ALDH1A2: variants seen among roughly 807,000 people sequenced by gnomAD.
ALDH1A2 encodes retinal dehydrogenase 2.
Under a neutral mutation model 60.3 loss-of-function variants are expected in ALDH1A2, and 27 were observed. The ratio of observed to expected loss-of-function variants is 0.45; its 90% confidence interval spans 0.33 to 0.62. The LOEUF (loss-of-function observed/expected upper bound fraction) is 0.62. Ranked by LOEUF, ALDH1A2 falls within the 20% of genes least tolerant of loss-of-function variation. ALDH1A2 has a pLI of 0.02. For missense variants in ALDH1A2, 581 were observed against 643.8 expected, an observed-to-expected ratio of 0.90 and a Z score of 1.06; for synonymous variants, 289 against 232.4, an observed-to-expected ratio of 1.24 and a Z score of -2.21.
At chr15:58,010,522 C>T (rs1895598087) in intron 4 of ALDH1A2, 127 bp downstream of exon 4, 5 of 1,287,170 alleles carry the variant, frequency 3.9e-6, no homozygotes. Flanking sequence ...TGGTTCTTCA[C>T]TCAGTTCTAA....
At chr15:57,979,612 T>A (rs1894410141) in intron 7 of ALDH1A2, 1 of 159,558 alleles carries the variant, frequency 6.3e-6, no homozygotes, top group Non-Finnish European at 1.4e-5. Flanking sequence ...AGACCCTCGG[T>A]TGATTGGCAG....
chr15:58,045,107 G>A (rs1382960191), intron 1 of ALDH1A2, among the ~76,000 whole-genome samples: 2 of 151,896 alleles, frequency 1.3e-5, no homozygotes, highest in Non-Finnish European at 2.9e-5. Flanking sequence ...GAGACTTCTC[G>A]AAAGAAGACA....
intron 7 of ALDH1A2, among the ~76,000 whole-genome samples, chr15:57,972,388 A>C (rs1894099652): frequency 6.6e-6 from 1 of 152,210 alleles, no homozygotes; most frequent in African/African-American, 2.4e-5. Context: ...TCCTTTTGTT[A>C]CATAAGACTC....
intron 4 of ALDH1A2, among the ~76,000 whole-genome samples, chr15:58,010,217 C>A (rs1895586082): frequency 6.6e-6 from 1 of 152,126 alleles, no homozygotes; most frequent in Non-Finnish European, 1.5e-5. Flanking sequence ...TCTCACCACT[C>A]AGAGACAACT....
chr15:57,996,784 C>A (rs528924687), intron 4 of ALDH1A2, among the ~76,000 whole-genome samples: 2 of 152,118 alleles, frequency 1.3e-5, no homozygotes, highest in African/African-American at 4.8e-5. Context: ...ATTTCAACAA[C>A]ACGCTATTTT....
At chr15:57,989,880 GC>G (rs1275910693) in intron 7 of ALDH1A2, among the ~76,000 whole-genome samples, 1 of 151,876 alleles carries the variant, frequency 6.6e-6, no homozygotes, top group Non-Finnish European at 1.5e-5. Flanking sequence ...AATATTAAGG[GC>G]CGTTTGTATA....
chr15:58,043,683 T>C (rs1352259340), intron 1 of ALDH1A2, among the ~76,000 whole-genome samples: 2 of 152,024 alleles, frequency 1.3e-5, no homozygotes, highest in Non-Finnish European at 2.9e-5. Context: ...TTTTTAAACC[T>C]ATGCCAAGTC....
chr15:57,977,916 T>C (rs1894322693), intron 7 of ALDH1A2, among the ~76,000 whole-genome samples: 1 of 152,170 alleles, frequency 6.6e-6, no homozygotes, highest in South Asian at 2.1e-4. Flanking sequence ...CCTTCCAATC[T>C]CTTCTAAGTT....
chr15:57,984,490 A>G (rs1894631068), intron 7 of ALDH1A2, among the ~76,000 whole-genome samples: 1 of 152,148 alleles, frequency 6.6e-6, no homozygotes, highest in African/African-American at 2.4e-5. Context: ...GGACATAAAT[A>G]CCCCAAAAAG....
At chr15:58,023,992 C>G (rs370535153) in intron 1 of ALDH1A2, among the ~76,000 whole-genome samples, 19 of 152,260 alleles carry the variant, frequency 1.2e-4, no homozygotes, top group African/African-American at 3.9e-4. Flanking sequence ...ACTGGGAAGG[C>G]TGAGGCAGGA....
chr15:57,984,752 C>T (rs8026952), intron 7 of ALDH1A2, among the ~76,000 whole-genome samples: 3 of 151,890 alleles, frequency 2.0e-5, no homozygotes, highest in Non-Finnish European at 4.4e-5. Flanking sequence ...TTTGTTAATC[C>T]GCTTATCATT....
chr15:57,962,009 T>C lies in ALDH1A2; in HGVS notation c.1251+3A>G. 1 of 1,614,198 alleles carries C rather than the reference T, an allele frequency of 6.2e-7. No homozygotes were observed. Among genetic ancestry groups the C allele is most frequent in the East Asian group, 2.2e-5 (1 of 44,880 alleles). ...GCTTTTGTAAGAACAGCATATTTGA[T>C]ACCTCCTCCTTGGCAATCCGCATAT... On this transcript the variant is annotated splice_donor_region_variant and intron_variant, in intron 10 of 12. Transcript: ENST00000249750.
At chr15:58,038,023 T>A (rs1228159685) in intron 1 of ALDH1A2, among the ~76,000 whole-genome samples, 16 of 151,534 alleles carry the variant, frequency 1.1e-4, no homozygotes, top group Admixed American at 9.9e-4. Flanking sequence ...CCTTCTTTTT[T>A]TCTCTATCTT....
chr15:58,032,214 A>G (rs1488749658), intron 1 of ALDH1A2, among the ~76,000 whole-genome samples: 3 of 152,172 alleles, frequency 2.0e-5, no homozygotes, highest in Non-Finnish European at 4.4e-5. Context: ...AGGGACATGG[A>G]TGAAGCTGGA....
intron 1 of ALDH1A2, among the ~76,000 whole-genome samples, chr15:58,036,929 C>T (rs1207001269): frequency 2.0e-5 from 3 of 151,686 alleles, no homozygotes; most frequent in African/African-American, 7.3e-5. Flanking sequence ...AAGAAAGAAA[C>T]TCTATCCTCA....
At chr15:58,037,925 A>G (rs1372341883) in intron 1 of ALDH1A2, among the ~76,000 whole-genome samples, 1 of 151,722 alleles carries the variant, frequency 6.6e-6, no homozygotes, top group East Asian at 1.9e-4. Flanking sequence ...AGTAACACAC[A>G]TCGTAATCTA....
At chr15:57,974,132 CAG>C (rs553329318) in intron 7 of ALDH1A2, among the ~76,000 whole-genome samples, 1 of 152,094 alleles carries the variant, frequency 6.6e-6, no homozygotes, top group East Asian at 1.9e-4. Context: ...TGAAACAGAA[CAG>C]AGAGTACAGA....
At chr15:58,053,802 C>T (rs1257509100) in intron 1 of ALDH1A2, among the ~76,000 whole-genome samples, 2 of 152,160 alleles carry the variant, frequency 1.3e-5, no homozygotes, top group South Asian at 2.1e-4. Flanking sequence ...GCTACAACTA[C>T]CACCCAGGCT....
At chr15:57,988,563 TG>T (rs1894790001) in intron 7 of ALDH1A2, among the ~76,000 whole-genome samples, 1 of 152,148 alleles carries the variant, frequency 6.6e-6, no homozygotes, top group African/African-American at 2.4e-5. Flanking sequence ...AAAGAATCAG[TG>T]GTTGCCAGAA....
Sources: allele counts gnomAD v4.1 joint callset (sites outside exome capture counted in the v4.1 genomes callset), GRCh38; gene constraint gnomAD v4.1.1; transcripts MANE v1.5; gene names NCBI Gene and HGNC (gene_info 2026-07-23, HGNC 2026-07-21).